Variants in EYA2 observed in about 807,000 individuals in gnomAD.
EYA2 encodes EYA transcriptional coactivator and phosphatase 2.
A neutral mutation model predicts 69.2 loss-of-function variants in EYA2; 31 were observed. The ratio of observed to expected loss-of-function variants is 0.45; its 90% CI spans 0.34 to 0.60. The LOEUF is 0.60. EYA2 is among the 20% of genes least tolerant of loss of function. EYA2 has a pLI of 0.02. For missense variants in EYA2, 622 were observed against 701.2 expected, an observed-to-expected ratio of 0.89 and a Z score of 1.28; for synonymous variants, 257 against 279.4, an observed-to-expected ratio of 0.92 and a Z score of 0.80.
intron 1 of EYA2, among the ~76,000 whole-genome samples, chr20:46,909,662 C>A (rs1984550904): frequency 1.3e-5 from 2 of 152,182 alleles, no homozygotes; most frequent in South Asian, 4.1e-4. Context: ...TAATCAGTCT[C>A]TCTGTTCAAG....
At chr20:47,123,859 G>A (rs2033113157) in intron 9 of EYA2, among the ~76,000 whole-genome samples, 1 of 152,020 alleles carries the variant, frequency 6.6e-6, no homozygotes, top group Non-Finnish European at 1.5e-5. Flanking sequence ...AGACCTGGTG[G>A]CACACACCTG....
At chr20:46,920,333 G>A (rs146303336) in intron 1 of EYA2, among the ~76,000 whole-genome samples, 82 of 151,846 alleles carry the variant, frequency 5.4e-4, no homozygotes, top group Middle Eastern at 3.5e-3. Flanking sequence ...CCAAGCCCAC[G>A]ATATCTCCAA....
intron 9 of EYA2, among the ~76,000 whole-genome samples, chr20:47,139,231 G>A (rs1173559079): frequency 6.6e-6 from 1 of 152,182 alleles, no homozygotes; most frequent in Admixed American, 6.5e-5. Context: ...ATAATGAAAA[G>A]TGGAATTACT....
intron 5 of EYA2, among the ~76,000 whole-genome samples, chr20:47,032,973 G>T (rs1428221501): frequency 6.6e-6 from 1 of 152,122 alleles, no homozygotes; most frequent in Non-Finnish European, 1.5e-5. Context: ...GGCAACCAGG[G>T]CCCCCTTCCA....
At position 47,105,999 on chromosome 20, in the gene EYA2, A is replaced by T. The variant is rs534654833; in HGVS notation, c.888+8831A>T. Among the ~76,000 whole-genome samples, 4 of 152,284 alleles carry T rather than the reference A, an allele frequency of 2.6e-5. No homozygotes were observed. In the East Asian group the frequency reaches 7.7e-4, roughly 29 times the overall value. On this transcript the variant is annotated intron_variant, in intron 9 of 15. Coordinates refer to ENST00000327619, the MANE Select transcript of EYA2 (RefSeq NM_005244.5). ...TGACTCCCTGGCCTGAGTGACTGTT[A>T]CCTCTCCACAGGGCAGGTTTATGAG...
intron 14 of EYA2, among the ~76,000 whole-genome samples, chr20:47,181,852 A>G (rs2034544115): frequency 6.6e-6 from 1 of 152,114 alleles, no homozygotes; most frequent in Admixed American, 6.5e-5. Flanking sequence ...AGGGGCCAAA[A>G]TGGTTGTTGA....
chr20:47,021,584 G>A (rs1243224324), intron 5 of EYA2, among the ~76,000 whole-genome samples: 2 of 143,096 alleles, frequency 1.4e-5, no homozygotes, highest in Non-Finnish European at 3.0e-5. Flanking sequence ...CCGAGATCAC[G>A]CCACTGCACT....
intron 8 of EYA2, among the ~76,000 whole-genome samples, chr20:47,090,807 A>G (rs2032061119): frequency 6.6e-6 from 1 of 152,202 alleles, no homozygotes; most frequent in Non-Finnish European, 1.5e-5. Flanking sequence ...TTGGCCAGGT[A>G]CTGACATTTT....
At chr20:47,159,392 TCTC>T (rs1428579251) in intron 10 of EYA2, among the ~76,000 whole-genome samples, 1 of 151,816 alleles carries the variant, frequency 6.6e-6, no homozygotes. Flanking sequence ...CCTGACCAGT[TCTC>T]CTTCACACCG....
intron 9 of EYA2, among the ~76,000 whole-genome samples, chr20:47,122,520 G>T (rs1446303950): frequency 6.6e-6 from 1 of 151,736 alleles, no homozygotes; most frequent in Non-Finnish European, 1.5e-5. Context: ...GGGTGGTCTC[G>T]ATCTCCTGAC....
chr20:47,184,362 C>A (rs1282532345), intron 15 of EYA2, among the ~76,000 whole-genome samples: 1 of 151,442 alleles, frequency 6.6e-6, no homozygotes, highest in East Asian at 1.9e-4. Context: ...CTAACATCAT[C>A]ATTGTACTCA....
intron 1 of EYA2, among the ~76,000 whole-genome samples, chr20:46,942,158 G>A (rs985397137): frequency 3.9e-5 from 6 of 152,100 alleles, no homozygotes; most frequent in African/African-American, 1.4e-4. Context: ...ACCAAGGAGT[G>A]GGTGGTGGAC....
At chr20:46,919,317 CT>C (rs1409493316) in intron 1 of EYA2, among the ~76,000 whole-genome samples, 2 of 152,240 alleles carry the variant, frequency 1.3e-5, no homozygotes, top group Non-Finnish European at 2.9e-5. Flanking sequence ...TAGATGGGAT[CT>C]TCTTCCAATC....
chr20:46,899,170 T>C (rs1983968182), intron 1 of EYA2, among the ~76,000 whole-genome samples: 3 of 152,168 alleles, frequency 2.0e-5, no homozygotes, highest in Non-Finnish European at 2.9e-5. Flanking sequence ...AAATCTACGC[T>C]TTTGCTTCTC....
chr20:47,154,245 C>T (rs1051414822), intron 10 of EYA2, among the ~76,000 whole-genome samples: 4 of 151,980 alleles, frequency 2.6e-5, no homozygotes, highest in African/African-American at 9.7e-5. Flanking sequence ...AGAGAGAAAA[C>T]AGCTGTCTGG....
At chr20:46,906,443 G>A (rs998082607) in intron 1 of EYA2, among the ~76,000 whole-genome samples, 4 of 152,202 alleles carry the variant, frequency 2.6e-5, no homozygotes, top group African/African-American at 9.6e-5. Context: ...GTCTCTCGGG[G>A]ACATTGGTAA....
At chr20:47,053,551 C>T (rs377028626) in intron 5 of EYA2, among the ~76,000 whole-genome samples, 41 of 151,090 alleles carry the variant, frequency 2.7e-4, no homozygotes, top group African/African-American at 9.2e-4. Flanking sequence ...CCTGTAGTCT[C>T]GGCTACTCAG....
chr20:46,897,483 G>T (rs537550992), intron 1 of EYA2, among the ~76,000 whole-genome samples: 1 of 152,194 alleles, frequency 6.6e-6, no homozygotes, highest in African/African-American at 2.4e-5. Flanking sequence ...TGCATCGGGC[G>T]CAAGAGAGCA....
chr20:47,047,960 G>A (rs568558898), intron 5 of EYA2, among the ~76,000 whole-genome samples: 2 of 152,220 alleles, frequency 1.3e-5, no homozygotes, highest in African/African-American at 4.8e-5. Flanking sequence ...TTACAGGCAT[G>A]AGCCACCGCG....
Sources: gnomAD v4.1 joint callset for allele counts (sites outside exome capture counted in the v4.1 genomes callset) on GRCh38, gnomAD v4.1.1 for gene constraint, MANE v1.5 for transcripts, NCBI Gene and HGNC (gene_info 2026-07-23, HGNC 2026-07-21) for gene names.